KCNIP4: variants seen among roughly 807,000 people sequenced by gnomAD.
KCNIP4 encodes the protein Kv channel-interacting protein 4.
KCNIP4 carries 12 observed loss-of-function variants against 34.0 expected under a neutral mutation model. The observed-to-expected ratio is 0.35, with a 90% CI of 0.23 to 0.57. KCNIP4 has a LOEUF of 0.57. Among genes scored for constraint, KCNIP4 ranks in the 20% least tolerant of loss-of-function variants. The probability of loss-of-function intolerance (pLI) is 0.83; values close to 1 mark genes in which losing one functional copy is unlikely to be tolerated. For missense variants in KCNIP4, 238 were observed against 311.7 expected (o/e 0.76, Z 1.78); for synonymous variants, 124 against 102.2 (o/e 1.21, Z -1.29).
chr4:20,816,484 A>G (rs1716405522), intron 3 of KCNIP4, among the ~76,000 whole-genome samples: 1 of 152,156 alleles, frequency 6.6e-6, no homozygotes, highest in South Asian at 2.1e-4. Flanking sequence ...CTCTCCAGCC[A>G]TCCTGAAACA....
At chr4:21,481,698 A>G (rs527894866) in intron 1 of KCNIP4, among the ~76,000 whole-genome samples, 5 of 152,252 alleles carry the variant, frequency 3.3e-5, no homozygotes, top group African/African-American at 1.2e-4. Context: ...CGAAGAAGGG[A>G]AAAACACACG....
intron 1 of KCNIP4, among the ~76,000 whole-genome samples, chr4:21,465,911 G>T (rs575974955): frequency 5.1e-4 from 78 of 152,282 alleles, no homozygotes; most frequent in African/African-American, 1.8e-3. Context: ...TCCAGCACCT[G>T]CAAACAACGT....
rs562512042 is a variant in KCNIP4 at position 21,247,357 on chromosome 4, C to T, written c.62-364648G>A. Reference sequence around the variant, plus strand: ...GGGCAAGGTGTTGTGATTTTGTGAACCAGAAATGCAGTTCTTGTTCATTAG... The same window carrying T: ...GGGCAAGGTGTTGTGATTTTGTGAATCAGAAATGCAGTTCTTGTTCATTAG... On this transcript the variant is annotated intron_variant, in intron 1 of 8. Transcript: ENST00000382152. Among the ~76,000 whole-genome samples the T allele has an allele frequency of 2.1e-4, 32 of 151,800 alleles. 1 individual carries two copies. Among genetic ancestry groups the T allele is most frequent in the African/African-American group, 7.0e-4 (29 of 41,398 alleles).
At chr4:21,151,659 C>T (rs912137111) in intron 1 of KCNIP4, among the ~76,000 whole-genome samples, 2 of 152,206 alleles carry the variant, frequency 1.3e-5, no homozygotes, top group Middle Eastern at 3.4e-3. Flanking sequence ...TCTATCATCA[C>T]ATTGAGGATT....
chr4:21,046,961 C>T (rs1161018172), intron 1 of KCNIP4, among the ~76,000 whole-genome samples: 1 of 152,182 alleles, frequency 6.6e-6, no homozygotes, highest in Non-Finnish European at 1.5e-5. Context: ...TGCCTGCTCA[C>T]ACTATACAGA....
At chr4:21,707,730 G>A (rs1713395942) in intron 1 of KCNIP4, among the ~76,000 whole-genome samples, 1 of 151,994 alleles carries the variant, frequency 6.6e-6, no homozygotes, top group South Asian at 2.1e-4. Flanking sequence ...ATGGAGACAT[G>A]ACTGGCATCA....
At chr4:21,080,045 G>C (rs1745864337) in intron 1 of KCNIP4, among the ~76,000 whole-genome samples, 2 of 151,826 alleles carry the variant, frequency 1.3e-5, no homozygotes, top group Non-Finnish European at 2.9e-5. Context: ...AAGCCACGAG[G>C]TTTGTGGCAA....
At chr4:21,647,197 C>T (rs1001167020) in intron 1 of KCNIP4, among the ~76,000 whole-genome samples, 2 of 151,816 alleles carry the variant, frequency 1.3e-5, no homozygotes, top group African/African-American at 4.8e-5. Flanking sequence ...AGTTAGCCAC[C>T]ATACTATATT....
Position 20,755,552 on chromosome 4 carries a change from CTG to C in KCNIP4, c.358+3267_358+3268del, listed in dbSNP as rs905151153. Among the ~76,000 whole-genome samples, 24 of 152,290 alleles carry C rather than the reference CTG, an allele frequency of 1.6e-4. No homozygotes were observed. The East Asian group carries it at 3.1e-3, about 20-fold the overall frequency. ...ACAGTAAACAAAGTGGAGAAATCCT[CTG>C]TTCCCCTGGAGCTGACATTCTAGTG... On this transcript the variant is annotated intron_variant, in intron 4 of 8. Coordinates refer to ENST00000382152, the MANE Select transcript of KCNIP4 (RefSeq NM_025221.6).
At chr4:21,649,621 A>T (rs1474142847) in intron 1 of KCNIP4, among the ~76,000 whole-genome samples, 2 of 152,120 alleles carry the variant, frequency 1.3e-5, no homozygotes, top group African/African-American at 4.8e-5. Flanking sequence ...ATAATTTGTA[A>T]TTATTTATTG....
At chr4:21,210,729 C>A (rs985810598) in intron 1 of KCNIP4, among the ~76,000 whole-genome samples, 1 of 152,118 alleles carries the variant, frequency 6.6e-6, no homozygotes, top group African/African-American at 2.4e-5. Flanking sequence ...CTCCTTCCAC[C>A]TTCAGCCCAT....
At chr4:21,303,284 T>C (rs867487826) in intron 1 of KCNIP4, among the ~76,000 whole-genome samples, 16 of 152,324 alleles carry the variant, frequency 1.1e-4, no homozygotes, top group Admixed American at 1.3e-4. Context: ...TCTGTTAGCA[T>C]GTAAAATAGG....
At chr4:20,787,503 G>A (rs13118003) in intron 3 of KCNIP4, among the ~76,000 whole-genome samples, 67,633 of 151,572 alleles carry the variant, frequency 0.45, 15,678 homozygotes, top group East Asian at 0.7. Context: ...TATTTTTGGC[G>A]CTATTAAAAA....
intron 1 of KCNIP4, among the ~76,000 whole-genome samples, chr4:21,627,290 TA>T (rs1374698199): frequency 1.3e-5 from 2 of 152,192 alleles, no homozygotes; most frequent in African/African-American, 4.8e-5. Flanking sequence ...AGTTTCATTA[TA>T]AACTATGGTT....
rs358556 is a variant in KCNIP4 at position 21,505,821 on chromosome 4, G to C, written c.61+442750C>G. Reference sequence around the variant, plus strand: ...CACATTAATAAGAATAAAATAACTAGGCCAGATGTGGTGGCTCATGCCTGT... The same window carrying C: ...CACATTAATAAGAATAAAATAACTACGCCAGATGTGGTGGCTCATGCCTGT... On this transcript the variant is annotated intron_variant, in intron 1 of 8. Transcript: ENST00000382152. Among the ~76,000 whole-genome samples, 859 of 152,234 alleles carry C rather than the reference G, an allele frequency of 5.6e-3. 11 individuals are homozygous for C. The highest frequency in any genetic ancestry group is 0.019 in the African/African-American group (791 of 41,526).
At position 21,259,920 on chromosome 4, in the gene KCNIP4, T is replaced by TGTGTGTGTGTGTGC. The variant is rs755266993; in HGVS notation, c.62-377212_62-377211insGCACACACACACAC. Among the ~76,000 whole-genome samples the TGTGTGTGTGTGTGC allele has an allele frequency of 2.9e-3, 435 of 150,168 alleles. 6 individuals are homozygous for TGTGTGTGTGTGTGC. The East Asian group carries it at 0.054, about 19-fold the overall frequency. Reference sequence around the variant, plus strand: ...GTGTGTGTGTGTGTGTGTGTGTGTGTGCACGTGCGCTTATGTGCATTGTGC... The same window carrying TGTGTGTGTGTGTGC: ...GTGTGTGTGTGTGTGTGTGTGTGTGTGTGTGTGTGTGTGCGCACGTGCGCTTATGTGCATTGTGC... On this transcript the variant is annotated intron_variant, in intron 1 of 8. Coordinates refer to ENST00000382152, the MANE Select transcript of KCNIP4 (RefSeq NM_025221.6).
intron 1 of KCNIP4, among the ~76,000 whole-genome samples, chr4:21,735,237 G>T (rs1715905268): frequency 6.6e-6 from 1 of 152,036 alleles, no homozygotes; most frequent in Non-Finnish European, 1.5e-5. Flanking sequence ...GTATGCTAGA[G>T]CCGGCTTCTA....
chr4:21,234,292 T>G (rs1424273356), intron 1 of KCNIP4, among the ~76,000 whole-genome samples: 3 of 99,602 alleles, frequency 3.0e-5, no homozygotes, highest in Non-Finnish European at 5.5e-5. Context: ...ATAACATATA[T>G]TATATATAAC....
chr4:21,080,179 C>T (rs1745882645), intron 1 of KCNIP4, among the ~76,000 whole-genome samples: 1 of 151,742 alleles, frequency 6.6e-6, no homozygotes. Context: ...CAGGCTCCTC[C>T]ACCTCTCCAA....
Sources: allele counts gnomAD v4.1 joint callset (sites outside exome capture counted in the v4.1 genomes callset), GRCh38; gene constraint gnomAD v4.1.1; transcripts MANE v1.5; gene names NCBI Gene and HGNC (gene_info 2026-07-23, HGNC 2026-07-21).